Variants in LRRC8A observed in about 807,000 individuals in gnomAD.
LRRC8A encodes the protein volume-regulated anion channel subunit LRRC8A.
LRRC8A carries 24 observed loss-of-function variants against 52.5 expected under a neutral mutation model. The observed-to-expected ratio is 0.46, with a 90% CI of 0.33 to 0.64. LRRC8A has a LOEUF of 0.64. LRRC8A is among the 30% of genes least tolerant of loss of function. LRRC8A has a pLI of 0.02. For synonymous variants in LRRC8A, 492 were observed against 494.2 expected (o/e 1.00, Z 0.06); for missense variants, 677 against 1,094.7 (o/e 0.62, Z 5.38).
chr9:128,891,304 C>T (rs1839607682), intron 2 of LRRC8A, among the ~76,000 whole-genome samples: 1 of 151,624 alleles, frequency 6.6e-6, no homozygotes, highest in Non-Finnish European at 1.5e-5. Context: ...GTGGCATGTG[C>T]ATGTAGTTCC....
At chr9:128,903,046 G>C (rs558652670) in intron 2 of LRRC8A, among the ~76,000 whole-genome samples, 1 of 152,218 alleles carries the variant, frequency 6.6e-6, no homozygotes, top group South Asian at 2.1e-4. Context: ...CCTGAGCCCG[G>C]TGGTAGAGGG....
chr9:128,906,657 T>C (rs555861710), intron 2 of LRRC8A, among the ~76,000 whole-genome samples: 2 of 152,286 alleles, frequency 1.3e-5, no homozygotes, highest in South Asian at 4.1e-4. Flanking sequence ...AGTGAGTTCA[T>C]GTTGTGCCCC....
intron 2 of LRRC8A, among the ~76,000 whole-genome samples, chr9:128,890,705 TC>T: frequency 6.6e-6 from 1 of 152,218 alleles, no homozygotes; most frequent in South Asian, 2.1e-4. Flanking sequence ...CAGTGCCCAC[TC>T]CCCTGGGATC....
At chr9:128,900,685 G>A (rs905312841) in intron 2 of LRRC8A, among the ~76,000 whole-genome samples, 1 of 152,130 alleles carries the variant, frequency 6.6e-6, no homozygotes, top group Non-Finnish European at 1.5e-5. Context: ...CAGCCTGAGT[G>A]ACAGATTGAG....
chr9:128,897,510 T>C (rs1367815872), intron 2 of LRRC8A, among the ~76,000 whole-genome samples: 1 of 151,790 alleles, frequency 6.6e-6, no homozygotes, highest in Non-Finnish European at 1.5e-5. Context: ...ACACGGCCTG[T>C]CTTAGCTATT....
chr9:128,894,290 T>G (rs1330647625), intron 2 of LRRC8A, among the ~76,000 whole-genome samples: 2 of 150,870 alleles, frequency 1.3e-5, no homozygotes, highest in Non-Finnish European at 3.0e-5. Flanking sequence ...GAGATCATCC[T>G]GGTTAACACG....
intron 2 of LRRC8A, among the ~76,000 whole-genome samples, chr9:128,894,035 C>G (rs1420223349): frequency 1.3e-5 from 2 of 152,034 alleles, no homozygotes; most frequent in Non-Finnish European, 2.9e-5. Flanking sequence ...TGTGCTACCA[C>G]GCCCAGCTAA....
chr9:128,888,925 T>C (rs7871241), intron 2 of LRRC8A, among the ~76,000 whole-genome samples: 12,817 of 152,072 alleles, frequency 0.084, 842 homozygotes, highest in African/African-American at 0.18. Context: ...AGCACCTTCA[T>C]AGTCCGTGGT....
intron 3 of LRRC8A, among the ~76,000 whole-genome samples, chr9:128,914,125 A>G (rs1840691327): frequency 6.6e-6 from 1 of 152,076 alleles, no homozygotes; most frequent in African/African-American, 2.4e-5. Flanking sequence ...GAATCACTTG[A>G]ACCTGGGAGG....
rs1284350700 is a variant in LRRC8A at position 128,916,172 on chromosome 9, C to T, written c.2234C>T (p.Ser745Leu). Reference protein sequence around the residue: ...ALHLGNNVLQSLPSRVGELTN... With the variant: ...ALHLGNNVLQLLPSRVGELTN... ...CACCTGGGCAACAACGTGCTGCAGT[C>T]ACTGCCCTCCAGGGTGGGCGAGCTG... The change falls in exon 4 of 4, where the codon TCA becomes TTA. Residue 745 changes from serine to leucine, a missense_variant. Ser to Leu is a moderately radical substitution (Grantham distance 145, BLOSUM62 -2). This residue lies in a region of LRRC8A where 169 missense variants were observed against 217.6 expected (regional missense o/e 0.78). Coordinates refer to ENST00000372600, the MANE Select transcript of LRRC8A (RefSeq NM_019594.4). The surrounding 1 kb of genome is among the most constrained non-coding windows in gnomAD (Gnocchi z 6.1). The T allele has an allele frequency of 5.6e-6, 9 of 1,613,318 alleles. No homozygotes were observed. Among genetic ancestry groups the T allele is most frequent in the Non-Finnish European group, 7.6e-6 (9 of 1,179,990 alleles).
chr9:128,905,615 C>T (rs533443942), intron 2 of LRRC8A, among the ~76,000 whole-genome samples: 6 of 152,234 alleles, frequency 3.9e-5, no homozygotes, highest in East Asian at 1.9e-4. Context: ...GAGGCTGAGA[C>T]GGGCAGATCA....
Position 128,908,754 on chromosome 9 carries a change from G to C in LRRC8A, c.1590G>C (p.Glu530Asp). The change falls in exon 3 of 4, where the codon GAG becomes GAC. Residue 530 changes from glutamate (E) to aspartate (D), a missense_variant. By Grantham distance (45) the Glu-to-Asp change is conservative (BLOSUM62 2). Coordinates refer to ENST00000372600, the MANE Select transcript of LRRC8A (RefSeq NM_019594.4). Reference protein sequence around the residue: ...ELHLTGNLSAENNRYIVIDGL... With the variant: ...ELHLTGNLSADNNRYIVIDGL... ...ACCTGACGGGCAACCTGAGCGCGGA[G>C]AACAACCGCTACATCGTCATCGACG... 3 of 1,613,268 alleles carry C rather than the reference G, an allele frequency of 1.9e-6. No individual in the cohort carries two copies. The highest frequency in any genetic ancestry group is 2.5e-6 in the Non-Finnish European group (3 of 1,180,044).
chr9:128,889,452 C>T (rs1366627197), intron 2 of LRRC8A, among the ~76,000 whole-genome samples: 1 of 151,930 alleles, frequency 6.6e-6, no homozygotes, highest in Non-Finnish European at 1.5e-5. Context: ...GGCTGAGCTC[C>T]CCACAGGACT....
intron 1 of LRRC8A, chr9:128,884,845 C>T (rs1412036559): frequency 6.6e-6 from 1 of 152,170 alleles, no homozygotes; most frequent in East Asian, 1.9e-4. Flanking sequence ...TCACCACCAC[C>T]CCGTATGGAA....
In LRRC8A at chr9:128,907,230, G is replaced by C. The variant is rs367778001; in HGVS notation, c.66G>C (p.Pro22=). The C allele has an allele frequency of 6.2e-7, 1 of 1,613,766 alleles. No individual in the cohort carries two copies. Among genetic ancestry groups the C allele is most frequent in the African/African-American group, 1.3e-5 (1 of 74,942 alleles). ...AGCCAGCATACCGGATCCTGAAGCC[G>C]TGGTGGGATGTGTTCACAGACTACA... The part of the protein sequence containing the change: ...DTQPAYRILK[P]WWDVFTDYIS... Residue 22 remains proline (P), a synonymous_variant, in exon 3 of 4, where the codon CCG becomes CCC. Transcript: ENST00000372600. This position sits in a 1 kb window ranked among gnomAD's most constrained non-coding sequence, Gnocchi z 9.3.
chr9:128,889,108 T>C (rs7874415), intron 2 of LRRC8A, among the ~76,000 whole-genome samples: 8,434 of 152,214 alleles, frequency 0.055, 282 homozygotes, highest in African/African-American at 0.096. Flanking sequence ...GTGGCAAAGC[T>C]AGGACTTGAA....
At chr9:128,901,141 C>T (rs2130988974) in intron 2 of LRRC8A, among the ~76,000 whole-genome samples, 1 of 152,232 alleles carries the variant, frequency 6.6e-6, no homozygotes, top group Non-Finnish European at 1.5e-5. Flanking sequence ...CCACTGCACT[C>T]CGGCCTGGGC....
chr9:128,899,212 T>C lies in LRRC8A; in HGVS notation c.-8-7945T>C, dbSNP rs982027429. Among the ~76,000 whole-genome samples, 1 of 152,212 alleles carries C rather than the reference T, an allele frequency of 6.6e-6. No homozygotes were observed. The highest frequency in any genetic ancestry group is 1.5e-5 in the Non-Finnish European group (1 of 68,040). On this transcript the variant is annotated intron_variant, in intron 2 of 3. Transcript: ENST00000372600. The surrounding 1 kb of genome is among the most constrained non-coding windows in gnomAD (Gnocchi z 4.0). ...GAAACTGAGGCCCTGGGAGAGAAGCTGTTCCACAGCTCCGCCAGGACGCAG... is the reference window on the plus strand; with the variant it reads ...GAAACTGAGGCCCTGGGAGAGAAGCCGTTCCACAGCTCCGCCAGGACGCAG...
chr9:128,886,952 G>C (rs1839422706), intron 2 of LRRC8A, among the ~76,000 whole-genome samples: 3 of 152,170 alleles, frequency 2.0e-5, no homozygotes, highest in African/African-American at 7.2e-5. Context: ...TGTAAAGAAG[G>C]CAAGGACATG....
Sources: gnomAD v4.1 joint callset for allele counts (sites outside exome capture counted in the v4.1 genomes callset) on GRCh38, gnomAD v4.1.1 for gene constraint, gnomAD v4.1.1 regional missense constraint, Gnocchi (gnomAD v3.1) non-coding constraint, MANE v1.5 for transcripts, NCBI Gene and HGNC (gene_info 2026-07-23, HGNC 2026-07-21) for gene names.